The following DLGAP2 variants were observed in gnomAD, a reference collection of about 807,000 sequenced individuals.
DLGAP2 encodes disks large-associated protein 2.
In DLGAP2, 26 loss-of-function variants were observed where a neutral mutation model predicts 100.3. The ratio of observed to expected loss-of-function variants is 0.26; its 90% CI spans 0.19 to 0.36. The LOEUF (loss-of-function observed/expected upper bound fraction) is 0.36, where lower values mean the gene tolerates loss of function less well. Ranked by LOEUF, DLGAP2 falls within the 10% of genes least tolerant of loss-of-function variation. The pLI, the probability that DLGAP2 is intolerant of heterozygous loss-of-function variation, is 1.00. For missense variants in DLGAP2, 1,858 were observed against 1,453.2 expected, an observed-to-expected ratio of 1.28 and a Z score of -4.53; for synonymous variants, 886 against 630.1, an observed-to-expected ratio of 1.41 and a Z score of -6.08.
At chr8:1,164,467 A>G (rs918302584) in intron 2 of DLGAP2, among the ~76,000 whole-genome samples, 2 of 150,434 alleles carry the variant, frequency 1.3e-5, no homozygotes, top group Non-Finnish European at 3.0e-5. Context: ...CCTGGCTCTC[A>G]CTGGCTGACG....
chr8:1,644,447 T>A (rs1330479709), intron 8 of DLGAP2, among the ~76,000 whole-genome samples: 1 of 152,252 alleles, frequency 6.6e-6, no homozygotes, highest in Non-Finnish European at 1.5e-5. Context: ...CCTCTACGGC[T>A]GCTGCTCGTC....
intron 6 of DLGAP2, among the ~76,000 whole-genome samples, chr8:1,585,241 T>C (rs891594555): frequency 3.3e-5 from 5 of 152,048 alleles, no homozygotes; most frequent in African/African-American, 1.2e-4. Flanking sequence ...GGCGGGCAGA[T>C]CACTTGAGAT....
At chr8:1,687,328 G>T (rs1259556985) in intron 12 of DLGAP2, among the ~76,000 whole-genome samples, 1 of 152,204 alleles carries the variant, frequency 6.6e-6, no homozygotes, top group East Asian at 1.9e-4. Flanking sequence ...TACATGGAAG[G>T]CAAGGGTTCT....
At chr8:1,294,218 G>C (rs889137071) in intron 3 of DLGAP2, among the ~76,000 whole-genome samples, 2 of 152,188 alleles carry the variant, frequency 1.3e-5, no homozygotes, top group African/African-American at 4.8e-5. Flanking sequence ...CCCCTTGCCA[G>C]TCATTCAGGT....
At chr8:1,138,709 T>A (rs2129050184) in intron 2 of DLGAP2, among the ~76,000 whole-genome samples, 1 of 152,380 alleles carries the variant, frequency 6.6e-6, no homozygotes, top group South Asian at 2.1e-4. Context: ...TCTGCAGCGG[T>A]GCCTTCTCTT....
chr8:1,670,737 T>C (rs191589460), intron 10 of DLGAP2, among the ~76,000 whole-genome samples: 1 of 152,260 alleles, frequency 6.6e-6, no homozygotes, highest in East Asian at 1.9e-4. Context: ...TCCTGTGAGC[T>C]GGCGGTCTCA....
chr8:1,183,018 A>C (rs1462302296), intron 2 of DLGAP2, among the ~76,000 whole-genome samples: 1 of 152,224 alleles, frequency 6.6e-6, no homozygotes. Flanking sequence ...TGTCACTGCC[A>C]GTGCGGGGAA....
At chr8:1,450,832 G>A (rs1324801775) in intron 3 of DLGAP2, among the ~76,000 whole-genome samples, 1 of 152,108 alleles carries the variant, frequency 6.6e-6, no homozygotes, top group African/African-American at 2.4e-5. Context: ...GAAGGTATTT[G>A]TTCTGGTAAA....
chr8:1,648,034 T>C (rs1006299885), intron 8 of DLGAP2, among the ~76,000 whole-genome samples: 1 of 152,220 alleles, frequency 6.6e-6, no homozygotes, highest in Non-Finnish European at 1.5e-5. Context: ...GTCACTGCCA[T>C]GCCCAAGGCC....
At chr8:1,297,301 C>T (rs1800204636) in intron 3 of DLGAP2, 1 of 152,238 alleles carries the variant, frequency 6.6e-6, no homozygotes, top group Non-Finnish European at 1.5e-5. Context: ...AAACATGTCT[C>T]CCCTGCTGTT....
In DLGAP2 at chr8:872,427, G is replaced by A. The variant is rs557264236; in HGVS notation, c.19-35485G>A. Reference sequence around the variant, plus strand: ...CGGCTCACAGCAACCTCTGCCTCCCGGGTTCAAGCAACTGTCCTGCCTCAG... The same window carrying A: ...CGGCTCACAGCAACCTCTGCCTCCCAGGTTCAAGCAACTGTCCTGCCTCAG... On this transcript the variant is annotated intron_variant, in intron 1 of 14. Coordinates refer to ENST00000637795, the MANE Select transcript of DLGAP2 (RefSeq NM_001346810.2). Among the ~76,000 whole-genome samples, 341 of 149,220 alleles carry A rather than the reference G, an allele frequency of 2.3e-3. 2 individuals carry two copies. Among genetic ancestry groups the A allele is most frequent in the African/African-American group, 8.0e-3 (327 of 40,738 alleles).
At chr8:1,319,059 G>A (rs934726721) in intron 3 of DLGAP2, among the ~76,000 whole-genome samples, 6 of 152,110 alleles carry the variant, frequency 3.9e-5, no homozygotes, top group Admixed American at 2.0e-4. Context: ...CCTGTTGCTC[G>A]TTGAAGCAGA....
intron 2 of DLGAP2, among the ~76,000 whole-genome samples, chr8:912,740 G>A (rs146505892): frequency 6.9e-6 from 1 of 144,484 alleles, no homozygotes; most frequent in Admixed American, 6.9e-5. Context: ...GCGCTATGGT[G>A]CCCACGTTCC....
intron 2 of DLGAP2, among the ~76,000 whole-genome samples, chr8:924,035 C>A (rs1318439235): frequency 6.6e-6 from 1 of 152,190 alleles, no homozygotes; most frequent in Non-Finnish European, 1.5e-5. Flanking sequence ...ATGAATGTCA[C>A]ATGACAGCAT....
At chr8:1,696,369 C>T (rs1799398570) in intron 13 of DLGAP2, among the ~76,000 whole-genome samples, 1 of 152,148 alleles carries the variant, frequency 6.6e-6, no homozygotes, top group African/African-American at 2.4e-5. Flanking sequence ...GTGTAGTGAC[C>T]TATGCCTGTG....
intron 4 of DLGAP2, among the ~76,000 whole-genome samples, chr8:1,537,292 T>C (rs1056676600): frequency 3.3e-5 from 5 of 152,200 alleles, no homozygotes; most frequent in African/African-American, 1.2e-4. Flanking sequence ...TGGTTACACA[T>C]GTGCACATAG....
chr8:1,539,172 C>T (rs961546698), intron 4 of DLGAP2, among the ~76,000 whole-genome samples: 6 of 152,156 alleles, frequency 3.9e-5, no homozygotes, highest in Non-Finnish European at 8.8e-5. Context: ...AGGCATGAGC[C>T]ACGGCACCTG....
rs190536752 is a variant in DLGAP2 at position 849,420 on chromosome 8, T to C, written c.19-58492T>C. Among the ~76,000 whole-genome samples the C allele has an allele frequency of 1.4e-3, 216 of 152,178 alleles. 1 individual carries two copies. Among genetic ancestry groups the C allele is most frequent in the Non-Finnish European group, 2.4e-3 (160 of 68,012 alleles). ...CTACTGTAAATACTGAGCGCAGGAG[T>C]TTTTGTGGAAATTGGGTTCATATTT... On this transcript the variant is annotated intron_variant, in intron 1 of 14. Transcript: ENST00000637795.
intron 2 of DLGAP2, among the ~76,000 whole-genome samples, chr8:1,171,789 G>A (rs969655365): frequency 6.6e-6 from 1 of 152,066 alleles, no homozygotes. Flanking sequence ...CTGCACGTGA[G>A]ATGGGTTTCC....
Sources: gnomAD v4.1 joint callset for allele counts (sites outside exome capture counted in the v4.1 genomes callset) on GRCh38, gnomAD v4.1.1 for gene constraint, MANE v1.5 for transcripts, NCBI Gene and HGNC (gene_info 2026-07-23, HGNC 2026-07-21) for gene names.